The following FARS2 variants were observed in gnomAD, a reference collection of about 807,000 sequenced individuals.
The protein encoded by FARS2 is phenylalanine--tRNA ligase, mitochondrial.
In FARS2, 40 loss-of-function variants were observed where a neutral mutation model predicts 46.4. The ratio of observed to expected loss-of-function variants is 0.86; its 90% CI spans 0.67 to 1.12. The LOEUF (loss-of-function observed/expected upper bound fraction) is 1.12, where lower values mean the gene tolerates loss of function less well. Among genes scored for constraint, FARS2 ranks in the 50% most tolerant of loss-of-function variants. The probability of loss-of-function intolerance (pLI) is 0.00; values close to 1 mark genes in which losing one functional copy is unlikely to be tolerated. For missense variants in FARS2, 513 were observed against 567.9 expected, an observed-to-expected ratio of 0.90 and a Z score of 0.98; for synonymous variants, 234 against 214.9, an observed-to-expected ratio of 1.09 and a Z score of -0.78.
At chr6:5,635,852 A>G (rs1400040902) in intron 6 of FARS2, among the ~76,000 whole-genome samples, 1 of 152,200 alleles carries the variant, frequency 6.6e-6, no homozygotes, top group Non-Finnish European at 1.5e-5. Context: ...TGCTGATTTG[A>G]TGATGGAAGC....
At chr6:5,501,738 G>T (rs1016097527) in intron 4 of FARS2, among the ~76,000 whole-genome samples, 3 of 151,958 alleles carry the variant, frequency 2.0e-5, no homozygotes, top group Admixed American at 2.0e-4. Flanking sequence ...CAAGTGGTCC[G>T]CCCGCCTCAG....
At chr6:5,307,520 C>T (rs577512052) in intron 1 of FARS2, among the ~76,000 whole-genome samples, 3 of 152,092 alleles carry the variant, frequency 2.0e-5, no homozygotes, top group Non-Finnish European at 4.4e-5. Context: ...CAATTTCCGT[C>T]GTATCATATT....
intron 1 of FARS2, among the ~76,000 whole-genome samples, chr6:5,288,585 A>C (rs1156371655): frequency 2.6e-5 from 4 of 152,148 alleles, no homozygotes; most frequent in Non-Finnish European, 5.9e-5. Flanking sequence ...TGTGGTTTTG[A>C]ATATATGTGG....
intron 1 of FARS2, among the ~76,000 whole-genome samples, chr6:5,361,666 T>C (rs561597349): frequency 1.3e-5 from 2 of 152,348 alleles, no homozygotes; most frequent in East Asian, 3.9e-4. Context: ...TTTAGTAGAA[T>C]AAAATGTATA....
At chr6:5,452,810 A>AG (rs1320446070) in intron 4 of FARS2, 1 of 152,150 alleles carries the variant, frequency 6.6e-6, no homozygotes, top group East Asian at 1.9e-4. Context: ...TAGAAATTCA[A>AG]GGGGGGAAAT....
chr6:5,360,358 T>C lies in FARS2; in HGVS notation c.-21-8192T>C, dbSNP rs189903011. Reference sequence around the variant, plus strand: ...TTACTTCCTGTGCCTGACCATCTTATAGAAACAATCAAATGAATGGCTCCT... The same window carrying C: ...TTACTTCCTGTGCCTGACCATCTTACAGAAACAATCAAATGAATGGCTCCT... On this transcript the variant is annotated intron_variant, in intron 1 of 6. Transcript: ENST00000274680. Among the ~76,000 whole-genome samples the C allele has an allele frequency of 1.4e-4, 21 of 152,346 alleles. No individual in the cohort carries two copies. In the East Asian group the frequency reaches 3.9e-3, roughly 28 times the overall value.
chr6:5,432,383 AT>A (rs1231373454), intron 4 of FARS2, among the ~76,000 whole-genome samples: 1 of 127,426 alleles, frequency 7.8e-6, no homozygotes, highest in Non-Finnish European at 1.6e-5. Context: ...ATATTTATAT[AT>A]TATACATTAT....
At chr6:5,301,802 TAC>T (rs143654686) in intron 1 of FARS2, among the ~76,000 whole-genome samples, 12,852 of 132,154 alleles carry the variant, frequency 0.097, 559 homozygotes, top group South Asian at 0.16. Flanking sequence ...CACACACACA[TAC>T]ACACACACAC....
chr6:5,416,354 A>C (rs577666276), intron 3 of FARS2, among the ~76,000 whole-genome samples: 1 of 152,250 alleles, frequency 6.6e-6, no homozygotes, highest in East Asian at 1.9e-4. Context: ...TTCCATATTG[A>C]TATCCAGTTG....
At chr6:5,447,792 G>A (rs552536773) in intron 4 of FARS2, among the ~76,000 whole-genome samples, 2 of 152,340 alleles carry the variant, frequency 1.3e-5, no homozygotes, top group Admixed American at 6.5e-5. Flanking sequence ...TGCTTGGCAA[G>A]TGAAGATGAA....
intron 4 of FARS2, among the ~76,000 whole-genome samples, chr6:5,503,669 A>G (rs1471682735): frequency 6.6e-6 from 1 of 152,172 alleles, no homozygotes; most frequent in African/African-American, 2.4e-5. Context: ...ACGAGTTGTG[A>G]TATTGTACTC....
intron 5 of FARS2, among the ~76,000 whole-genome samples, chr6:5,593,906 G>T (rs1236055127): frequency 6.6e-6 from 1 of 152,192 alleles, no homozygotes; most frequent in African/African-American, 2.4e-5. Context: ...AGGGTAGCAG[G>T]TGGCTGAACA....
At chr6:5,431,834 T>G (rs2127769283) in intron 4 of FARS2, 1 of 384,198 alleles carries the variant, frequency 2.6e-6, no homozygotes. Flanking sequence ...AGGTTTCTTT[T>G]TAAGTCACTA....
At chr6:5,448,071 T>C (rs1317850789) in intron 4 of FARS2, among the ~76,000 whole-genome samples, 1 of 152,218 alleles carries the variant, frequency 6.6e-6, no homozygotes, top group Non-Finnish European at 1.5e-5. Context: ...CCAGAATGTT[T>C]ATTTGAGGAC....
chr6:5,422,374 C>T (rs1014977579), intron 3 of FARS2, among the ~76,000 whole-genome samples: 3 of 151,990 alleles, frequency 2.0e-5, no homozygotes, highest in African/African-American at 7.3e-5. Context: ...CTCTCTCTCT[C>T]TCTCTTTTTT....
At chr6:5,583,956 A>G (rs976240952) in intron 5 of FARS2, among the ~76,000 whole-genome samples, 1 of 152,158 alleles carries the variant, frequency 6.6e-6, no homozygotes, top group African/African-American at 2.4e-5. Context: ...TTAAAGGTTC[A>G]ATGGCTTTTT....
rs530778698 is a variant in FARS2, at chr6:5,468,447, G to A, written c.904+37275G>A. Among the ~76,000 whole-genome samples, 370 of 151,888 alleles carry A rather than the reference G, an allele frequency of 2.4e-3. 2 individuals are homozygous for A. The highest frequency in any genetic ancestry group is 0.012 in the South Asian group (57 of 4,814). On this transcript the variant is annotated intron_variant, in intron 4 of 6. Transcript: ENST00000274680. ...GATGTTGTATCTTATTACAATAATT[G>A]AATTCCCTTTAATATTTTCATCAAG...
intron 1 of FARS2, among the ~76,000 whole-genome samples, chr6:5,298,144 C>T (rs1438514557): frequency 6.6e-6 from 1 of 152,242 alleles, no homozygotes; most frequent in Non-Finnish European, 1.5e-5. Context: ...CCCTCAGAGT[C>T]ACAGTGGGGC....
intron 6 of FARS2, among the ~76,000 whole-genome samples, chr6:5,643,662 G>C (rs1286913862): frequency 1.3e-5 from 2 of 152,160 alleles, no homozygotes; most frequent in African/African-American, 2.4e-5. Context: ...TGTACTGGAG[G>C]GGGGTTTGGG....
Sources: allele counts gnomAD v4.1 joint callset (sites outside exome capture counted in the v4.1 genomes callset), GRCh38; gene constraint gnomAD v4.1.1; transcripts MANE v1.5; gene names NCBI Gene and HGNC (gene_info 2026-07-23, HGNC 2026-07-21).